Variants in RAB2A observed in about 807,000 individuals in gnomAD.
The protein encoded by RAB2A is ras-related protein Rab-2A.
A neutral mutation model predicts 32.5 loss-of-function variants in RAB2A; 7 were observed. The ratio of observed to expected loss-of-function variants is 0.22; its 90% CI spans 0.12 to 0.40. The LOEUF (loss-of-function observed/expected upper bound fraction) is 0.40, where lower values mean the gene tolerates loss of function less well. Among genes scored for constraint, RAB2A ranks in the 10% least tolerant of loss-of-function variants. The pLI, the probability that RAB2A is intolerant of heterozygous loss-of-function variation, is 1.00. For missense variants in RAB2A, 108 were observed against 260.7 expected (o/e 0.41, Z 4.03); for synonymous variants, 79 against 85.2 (o/e 0.93, Z 0.40).
intron 2 of RAB2A, among the ~76,000 whole-genome samples, chr8:60,562,457 G>T (rs1402372815): frequency 6.6e-6 from 1 of 152,142 alleles, no homozygotes; most frequent in Non-Finnish European, 1.5e-5. Context: ...TTTTGTTGGG[G>T]TCATAGTCCA....
rs1804538009 is a variant in RAB2A, at chr8:60,622,147, T to A, written c.*1378T>A. ...AAAAATTTTGCTAAAATGCGACAAA[T>A]CTCACCATACTGAAATTATTTTTGT... On this transcript the variant is annotated 3_prime_UTR_variant, in exon 8 of 8. Coordinates refer to ENST00000262646, the MANE Select transcript of RAB2A (RefSeq NM_002865.3). 1 of 152,230 alleles carries A rather than the reference T, an allele frequency of 6.6e-6. No individual in the cohort carries two copies. The highest frequency in any genetic ancestry group is 2.1e-4 in the South Asian group (1 of 4,830). The allele number at this position is 152,230 out of a possible 1,614,324, so 9.4% of individuals were successfully genotyped here.
At chr8:60,549,784 C>A in intron 1 of RAB2A, among the ~76,000 whole-genome samples, 1 of 151,076 alleles carries the variant, frequency 6.6e-6, no homozygotes. Flanking sequence ...GGAAAAGTAG[C>A]AACAATAACA....
At chr8:60,581,944 T>G (rs1803763617) in intron 3 of RAB2A, among the ~76,000 whole-genome samples, 1 of 129,884 alleles carries the variant, frequency 7.7e-6, no homozygotes, top group Admixed American at 7.3e-5. Context: ...TTGTTTTTCT[T>G]TCTTTTTTTT....
Position 60,591,896 on chromosome 8 carries a change from G to A in RAB2A, c.401G>A (p.Gly134Asp). 1 of 1,612,678 alleles carries A rather than the reference G, an allele frequency of 6.2e-7. No individual in the cohort carries two copies. Among genetic ancestry groups the A allele is most frequent in the Non-Finnish European group, 8.5e-7 (1 of 1,179,038 alleles). The change falls in exon 6 of 8, where the codon GGT (glycine) becomes GAT (aspartate). Residue 134 changes from glycine to aspartate, a missense_variant. Gly to Asp is a moderately conservative substitution (Grantham distance 94). Around this residue, in one of 4 missense-constraint regions of RAB2A, gnomAD observed 79 missense variants for 199.8 expected, o/e 0.40. Transcript: ENST00000262646. ...ESRREVKKEE[G>D]EAFAREHGLI... ...AGAAGAGAAGTAAAAAAAGAAGAAG[G>A]TGAAGCTTTTGCACGAGAACATGGA...
At chr8:60,598,004 C>T (rs1804060706) in intron 6 of RAB2A, among the ~76,000 whole-genome samples, 1 of 152,160 alleles carries the variant, frequency 6.6e-6, no homozygotes, top group Non-Finnish European at 1.5e-5. Flanking sequence ...TTAATTTGAG[C>T]CTGGGCAACA....
chr8:60,518,006 T>A (rs944345965), intron 1 of RAB2A, among the ~76,000 whole-genome samples: 3 of 151,532 alleles, frequency 2.0e-5, no homozygotes, highest in African/African-American at 7.3e-5. Context: ...GGTATGTGTA[T>A]GTTGAGGACG....
chr8:60,551,087 TA>T (rs1807840690), intron 1 of RAB2A, among the ~76,000 whole-genome samples: 1 of 152,176 alleles, frequency 6.6e-6, no homozygotes, highest in South Asian at 2.1e-4. Context: ...ACTACCTGGT[TA>T]AATAACACAT....
chr8:60,562,923 A>G (rs1808046098), intron 2 of RAB2A, among the ~76,000 whole-genome samples: 1 of 152,174 alleles, frequency 6.6e-6, no homozygotes, highest in Non-Finnish European at 1.5e-5. Flanking sequence ...GGCCAGTAGA[A>G]GCAGTATTGT....
At chr8:60,590,418 A>T (rs1803920989) in intron 5 of RAB2A, among the ~76,000 whole-genome samples, 1 of 151,180 alleles carries the variant, frequency 6.6e-6, no homozygotes, top group East Asian at 1.9e-4. Context: ...TGGGAGGATC[A>T]CTTGAGTCCT....
At chr8:60,545,794 C>T (rs1807718114) in intron 1 of RAB2A, among the ~76,000 whole-genome samples, 1 of 151,978 alleles carries the variant, frequency 6.6e-6, no homozygotes, top group Non-Finnish European at 1.5e-5. Flanking sequence ...TGTGTATATC[C>T]AAGATATCCA....
chr8:60,571,851 T>C (rs1158013355), intron 2 of RAB2A, among the ~76,000 whole-genome samples, 195 bp from the exon 3 acceptor site: 1 of 152,206 alleles, frequency 6.6e-6, no homozygotes, highest in Admixed American at 6.5e-5. Context: ...ATTTTAATTA[T>C]GTCCTTAGCT....
intron 1 of RAB2A, among the ~76,000 whole-genome samples, chr8:60,544,358 T>C (rs1290544050): frequency 6.6e-6 from 1 of 151,440 alleles, no homozygotes; most frequent in Admixed American, 6.6e-5. Flanking sequence ...TTTTTTAAAA[T>C]ATATATTTAA....
intron 7 of RAB2A, among the ~76,000 whole-genome samples, chr8:60,619,630 C>T (rs969888832): frequency 6.6e-5 from 10 of 152,114 alleles, no homozygotes; most frequent in African/African-American, 2.2e-4. Flanking sequence ...GACGGTACTT[C>T]TTGAGTTAGT....
intron 6 of RAB2A, among the ~76,000 whole-genome samples, chr8:60,612,490 G>A (rs1804368232): frequency 6.6e-6 from 1 of 152,056 alleles, no homozygotes; most frequent in Non-Finnish European, 1.5e-5. Flanking sequence ...AGCTAAAAGG[G>A]TTTTAAAGGA....
At chr8:60,605,239 C>T (rs600811) in intron 6 of RAB2A, among the ~76,000 whole-genome samples, 59,018 of 152,036 alleles carry the variant, frequency 0.39, 11,572 homozygotes, top group East Asian at 0.55. Context: ...TGCACAGAGT[C>T]CAAGAGTTGA....
At chr8:60,522,813 A>C (rs569007312) in intron 1 of RAB2A, among the ~76,000 whole-genome samples, 1 of 152,234 alleles carries the variant, frequency 6.6e-6, no homozygotes, top group Non-Finnish European at 1.5e-5. Context: ...TGGGAGACTC[A>C]AATTTGAGTT....
chr8:60,600,828 C>G (rs1285307457), intron 6 of RAB2A, among the ~76,000 whole-genome samples: 3 of 152,164 alleles, frequency 2.0e-5, no homozygotes, highest in Non-Finnish European at 4.4e-5. Context: ...AAAGGTTGAT[C>G]CTGTATTATC....
intron 1 of RAB2A, among the ~76,000 whole-genome samples, chr8:60,532,052 G>A (rs1171971177): frequency 6.6e-6 from 1 of 152,026 alleles, no homozygotes; most frequent in African/African-American, 2.4e-5. Flanking sequence ...TGATCCACTC[G>A]CCTTGGCCTC....
chr8:60,526,017 GTACATATATATATATATATATA>G (rs1251059334), intron 1 of RAB2A, among the ~76,000 whole-genome samples: 4 of 74,252 alleles, frequency 5.4e-5, no homozygotes, highest in African/African-American at 1.8e-4. Context: ...ATGTGTGTGT[GTACATATATATATATATATATA>G]TATATATATA....
Sources: gnomAD v4.1 joint callset for allele counts (sites outside exome capture counted in the v4.1 genomes callset) on GRCh38, gnomAD v4.1.1 for gene constraint, gnomAD v4.1.1 regional missense constraint, MANE v1.5 for transcripts, NCBI Gene and HGNC (gene_info 2026-07-23, HGNC 2026-07-21) for gene names.